The following MIDEAS variants were observed in gnomAD, a reference collection of about 807,000 sequenced individuals.
The protein encoded by MIDEAS is mitotic deacetylase-associated SANT domain protein.
MIDEAS carries 26 observed loss-of-function variants against 102.7 expected under a neutral mutation model. The observed-to-expected ratio is 0.25, with a 90% confidence interval of 0.19 to 0.35. The LOEUF (loss-of-function observed/expected upper bound fraction) is 0.35, where lower values mean the gene tolerates loss of function less well. Ranked by LOEUF, MIDEAS falls within the 10% of genes least tolerant of loss-of-function variation. The probability of loss-of-function intolerance (pLI) is 1.00; values close to 1 mark genes in which losing one functional copy is unlikely to be tolerated. For synonymous variants in MIDEAS, 585 were observed against 591.0 expected (o/e 0.99, Z 0.15); for missense variants, 1,231 against 1,435.6 (o/e 0.86, Z 2.30).
chr14:73,751,118 T>G (rs1376664613), intron 1 of MIDEAS, among the ~76,000 whole-genome samples: 2 of 152,236 alleles, frequency 1.3e-5, no homozygotes, highest in African/African-American at 4.8e-5. Flanking sequence ...CCCAAAGTGC[T>G]GAGATTACAG....
At chr14:73,721,160 A>C in intron 11 of MIDEAS, 137 bp downstream of exon 11, 1 of 804,652 alleles carries the variant, frequency 1.2e-6, no homozygotes, top group East Asian at 2.6e-5. Context: ...ATGAGTTAAC[A>C]GCACAAAGTA....
chr14:73,761,417 C>T (rs1321551752), upstream of MIDEAS, among the ~76,000 whole-genome samples: 1 of 152,234 alleles, frequency 6.6e-6, no homozygotes, highest in Non-Finnish European at 1.5e-5. Context: ...TTCCTGTCCT[C>T]TTCCACCTCT....
At chr14:73,764,354 A>C (rs570502066), upstream of MIDEAS, among the ~76,000 whole-genome samples, 9,332 of 149,300 alleles carry the variant, frequency 0.063, 306 homozygotes, top group Middle Eastern at 0.097. Flanking sequence ...AAAAAAAAAA[A>C]AAAAAAAAAC....
At chr14:73,772,291 AG>A (rs2053648641) in intron 1 of MIDEAS, among the ~76,000 whole-genome samples, 1 of 152,280 alleles carries the variant, frequency 6.6e-6, no homozygotes, top group Non-Finnish European at 1.5e-5. Flanking sequence ...AATAAAAAAA[AG>A]ATGTTATATA....
chr14:73,728,870 G>C (rs1299486360), intron 4 of MIDEAS: 1 of 152,312 alleles, frequency 6.6e-6, no homozygotes, highest in Non-Finnish European at 1.5e-5. Flanking sequence ...AAGCAGTACA[G>C]AAGGCTGGCC....
chr14:73,752,904 A>G (rs184593729), intron 1 of MIDEAS, among the ~76,000 whole-genome samples: 2 of 152,348 alleles, frequency 1.3e-5, no homozygotes, highest in African/African-American at 4.8e-5. Context: ...CACACCAACC[A>G]GACTCTCTGG....
chr14:73,735,134 AC>A (rs1455376468), intron 3 of MIDEAS, among the ~76,000 whole-genome samples: 1 of 152,238 alleles, frequency 6.6e-6, no homozygotes, highest in Non-Finnish European at 1.5e-5. Flanking sequence ...TGCTGGTCAA[AC>A]GAAATATAAT....
chr14:73,754,015 A>G (rs1447934637), intron 1 of MIDEAS, among the ~76,000 whole-genome samples: 1 of 152,196 alleles, frequency 6.6e-6, no homozygotes, highest in African/African-American at 2.4e-5. Context: ...TGCAGGAAGT[A>G]GAAGGGACTC....
chr14:73,738,753 T>C lies in MIDEAS; in HGVS notation c.1256A>G (p.Asn419Ser), dbSNP rs751485606. The C allele has an allele frequency of 2.7e-5, 44 of 1,609,664 alleles. No individual in the cohort carries two copies. Among genetic ancestry groups the C allele is most frequent in the Middle Eastern group, 1.6e-4 (1 of 6,062 alleles). The change falls in exon 2 of 13, where the codon AAT (asparagine) becomes AGT (serine). Residue 419 changes from asparagine to serine, a missense_variant. Asn to Ser is a conservative substitution (Grantham distance 46). Around this residue, in one of 5 missense-constraint regions of MIDEAS, gnomAD observed 758 missense variants for 856.0 expected, o/e 0.89. Coordinates refer to ENST00000423556, the MANE Select transcript of MIDEAS (RefSeq NM_001367710.1). ...GGCAGGAGCCTCTCGCTCCCGGCCA[T>C]TGGGTGCTAGTCTCTCCCCATCAGG... ...LLPDGERLAP[N>S]GREREAPAMG... is the part of the protein sequence containing the mutation.
intron 1 of MIDEAS, among the ~76,000 whole-genome samples, chr14:73,747,919 C>G (rs2053373990): frequency 6.6e-6 from 1 of 152,292 alleles, no homozygotes; most frequent in South Asian, 2.1e-4. Flanking sequence ...GGACTCTGCT[C>G]TCAGCCAGTC....
intron 1 of MIDEAS, among the ~76,000 whole-genome samples, chr14:73,783,850 G>A (rs149195448): frequency 0.016 from 2,479 of 152,314 alleles, 24 homozygotes; most frequent in South Asian, 0.048. Context: ...GTTCTTAAGC[G>A]ACTAGAATGC....
In MIDEAS at chr14:73,726,634, G is replaced by A. The variant is rs753839319; in HGVS notation, c.2379C>T (p.His793=). The part of the protein sequence containing the change: ...GAGTNQELAL[H]CLHESRGDIL... ...TGTCTCCTCTGGATTCGTGCAGACA[G>A]TGCAGGGCCAGCTCCTGGTTGGTGC... is the stretch of plus-strand genomic sequence containing the variant. The change falls in exon 7 of 13, where the codon CAC becomes CAT. Residue 793 remains histidine (H), a synonymous_variant. Coordinates refer to ENST00000423556, the MANE Select transcript of MIDEAS (RefSeq NM_001367710.1). The A allele has an allele frequency of 2.5e-6, 4 of 1,614,116 alleles. No homozygotes were observed. The highest frequency in any genetic ancestry group is 1.6e-4 in the Middle Eastern group (1 of 6,068).
At chr14:73,773,378 G>A (rs1436859410) in intron 1 of MIDEAS, among the ~76,000 whole-genome samples, 1 of 151,804 alleles carries the variant, frequency 6.6e-6, no homozygotes, top group Non-Finnish European at 1.5e-5. Context: ...AGAGGTGTGG[G>A]TAGGAAGGTA....
chr14:73,732,417 A>G (rs2053149988), intron 3 of MIDEAS, among the ~76,000 whole-genome samples: 1 of 152,248 alleles, frequency 6.6e-6, no homozygotes, highest in South Asian at 2.1e-4. Context: ...GGTGAATGCT[A>G]TTACTGGAAA....
intron 3 of MIDEAS, among the ~76,000 whole-genome samples, chr14:73,734,333 T>A (rs2053176181): frequency 6.6e-6 from 1 of 152,226 alleles, no homozygotes. Context: ...AAGAGCTAAG[T>A]CCTGATGTCA....
intron 12 of MIDEAS, 80 bp downstream of exon 12, chr14:73,719,225 C>T (rs2140091097): frequency 2.1e-6 from 3 of 1,417,220 alleles, no homozygotes; most frequent in South Asian, 2.6e-5. Flanking sequence ...TACCTCTTCC[C>T]CCTCCCCTCC....
chr14:73,780,231 C>T (rs919874305), intron 1 of MIDEAS, among the ~76,000 whole-genome samples: 7 of 152,014 alleles, frequency 4.6e-5, no homozygotes, highest in South Asian at 2.1e-4. Flanking sequence ...CCTCAGAAAA[C>T]GCCACTCCAT....
upstream of MIDEAS, among the ~76,000 whole-genome samples, chr14:73,764,636 C>A (rs555169960): frequency 2.0e-5 from 3 of 152,350 alleles, no homozygotes; most frequent in South Asian, 6.2e-4. Flanking sequence ...TCTGAGCAAA[C>A]CGCGAGCTCA....
rs1256584157 is a variant in MIDEAS at position 73,759,448 on chromosome 14, G to A, written c.-248+315C>T. On this transcript the variant is annotated intron_variant, in intron 1 of 12. Coordinates refer to ENST00000423556, the MANE Select transcript of MIDEAS (RefSeq NM_001367710.1). The surrounding 1 kb of genome is among the most constrained non-coding windows in gnomAD (Gnocchi z 6.7). ...GGCGGGGCCGCGCCCGGGTGGGCGG[G>A]GGCCGCGCGCAAGCTGCGTAGCTGC... is the stretch of plus-strand genomic sequence containing the variant. Among the ~76,000 whole-genome samples the A allele has an allele frequency of 6.6e-6, 1 of 151,642 alleles. No homozygotes were observed. Among genetic ancestry groups the A allele is most frequent in the African/African-American group, 2.4e-5 (1 of 41,342 alleles).
Sources: allele counts gnomAD v4.1 joint callset (sites outside exome capture counted in the v4.1 genomes callset), GRCh38; gene constraint gnomAD v4.1.1; regional missense constraint gnomAD v4.1.1; non-coding constraint Gnocchi (gnomAD v3.1); transcripts MANE v1.5; gene names NCBI Gene and HGNC (gene_info 2026-07-23, HGNC 2026-07-21).